TJP1: variants seen among roughly 807,000 people sequenced by gnomAD.
TJP1 encodes tight junction protein ZO-1.
In TJP1, 43 loss-of-function variants were observed where a neutral mutation model predicts 194.2. The ratio of observed to expected loss-of-function variants is 0.22; its 90% CI spans 0.17 to 0.29. The LOEUF is 0.29. Ranked by LOEUF, TJP1 falls within the 10% of genes least tolerant of loss-of-function variation. The pLI is 1.00. For synonymous variants in TJP1, 801 were observed against 779.0 expected (o/e 1.03, Z -0.47); for missense variants, 1,971 against 2,185.7 (o/e 0.90, Z 1.96).
At chr15:29,801,625 C>T (rs947879795) in intron 1 of TJP1, among the ~76,000 whole-genome samples, 3 of 151,316 alleles carry the variant, frequency 2.0e-5, no homozygotes, top group African/African-American at 7.3e-5. Context: ...CTACGCCCGG[C>T]TAATTTTTTG....
rs145373959 is a variant in TJP1 at position 29,858,545 on chromosome 15, T to C, written c.307-57843A>G. Among the ~76,000 whole-genome samples, 489 of 152,262 alleles carry C rather than the reference T, an allele frequency of 3.2e-3. 2 individuals carry two copies. Among genetic ancestry groups the C allele is most frequent in the African/African-American group, 0.011 (464 of 41,552 alleles). On this transcript the variant is annotated intron_variant, in intron 2 of 28. Transcript: ENST00000356107. ...AAGACAGATAGCCACTGAAGAATTA[T>C]TGCTTTCCTTTTTTTTGAGACAGGG...
intron 2 of TJP1, among the ~76,000 whole-genome samples, chr15:29,791,460 G>A (rs1262239577): frequency 2.0e-5 from 2 of 102,192 alleles, no homozygotes; most frequent in African/African-American, 7.8e-5. Flanking sequence ...TGGCACTGTT[G>A]CCCAGGTTGG....
chr15:29,966,520 A>G (rs2056338373), intron 1 of TJP1, among the ~76,000 whole-genome samples: 1 of 151,978 alleles, frequency 6.6e-6, no homozygotes, highest in African/African-American at 2.4e-5. Flanking sequence ...AAATAAATAA[A>G]TAAATAATAA....
At position 29,732,425 on chromosome 15, in the gene TJP1, CT is replaced by C. The variant is rs2043727014; in HGVS notation, c.2017+7del. 1 of 1,611,764 alleles carries C rather than the reference CT, an allele frequency of 6.2e-7. No individual in the cohort carries two copies. The highest frequency in any genetic ancestry group is 1.3e-5 in the African/African-American group (1 of 74,860). On this transcript the variant is annotated splice_region_variant and intron_variant, in intron 15 of 27. Coordinates refer to ENST00000614355, the MANE Select transcript of TJP1 (RefSeq NM_001330239.4). ...AACCTCATTTAAGTTAGCCTTGAGGCTACTTACTTGCAATTTGATAAATATC... is the reference window on the plus strand; with the variant it reads ...AACCTCATTTAAGTTAGCCTTGAGGCACTTACTTGCAATTTGATAAATATC...
upstream of TJP1, chr15:29,822,647 A>G (rs540656176): frequency 3.0e-5 from 7 of 233,504 alleles, no homozygotes; most frequent in Non-Finnish European, 4.9e-5. Context: ...AGTAACTTGG[A>G]AGACAGTTTC....
At chr15:29,707,249 G>C (rs536399589) in intron 25 of TJP1, among the ~76,000 whole-genome samples, 1 of 152,354 alleles carries the variant, frequency 6.6e-6, no homozygotes, top group African/African-American at 2.4e-5. Context: ...TGCTTCAAAA[G>C]TAGAGGCTAT....
At chr15:29,725,690 A>G (rs1013745906) in intron 18 of TJP1, among the ~76,000 whole-genome samples, 6 of 152,228 alleles carry the variant, frequency 3.9e-5, no homozygotes, top group Non-Finnish European at 7.3e-5. Context: ...GACTGACAAT[A>G]GAAAGTAGTT....
intron 2 of TJP1, among the ~76,000 whole-genome samples, chr15:29,792,721 C>T (rs1157552669): frequency 6.6e-6 from 1 of 152,080 alleles, no homozygotes; most frequent in Non-Finnish European, 1.5e-5. Flanking sequence ...ACACTGATTC[C>T]AACAATACTG....
intron 2 of TJP1, among the ~76,000 whole-genome samples, chr15:29,921,444 C>T (rs935902921): frequency 3.3e-5 from 5 of 152,190 alleles, no homozygotes; most frequent in Admixed American, 6.5e-5. Context: ...TGCAAACCTG[C>T]AGGGCCAGCC....
intron 18 of TJP1, among the ~76,000 whole-genome samples, chr15:29,723,718 GA>G (rs2043073884): frequency 6.6e-6 from 1 of 152,168 alleles, no homozygotes; most frequent in African/African-American, 2.4e-5. Context: ...TGGAGAGGAA[GA>G]AATACAGTAA....
chr15:29,956,488 G>T, intron 1 of TJP1: 1 of 866,028 alleles, frequency 1.2e-6, no homozygotes, highest in Non-Finnish European at 1.5e-6. Context: ...CAGCCAAAAA[G>T]CTAAGAACCA....
chr15:29,805,513 C>T (rs1457805221), intron 1 of TJP1, among the ~76,000 whole-genome samples: 1 of 152,182 alleles, frequency 6.6e-6, no homozygotes, highest in Non-Finnish European at 1.5e-5. Flanking sequence ...GCTGTAATTT[C>T]AAAACCAATC....
chr15:29,803,659 A>G (rs1389151994), intron 1 of TJP1, among the ~76,000 whole-genome samples: 1 of 152,158 alleles, frequency 6.6e-6, no homozygotes, highest in Non-Finnish European at 1.5e-5. Flanking sequence ...TGTTAATTAT[A>G]AAAAATGTTT....
chr15:29,896,387 G>A (rs2053477573), intron 2 of TJP1, among the ~76,000 whole-genome samples: 1 of 152,122 alleles, frequency 6.6e-6, no homozygotes, highest in Non-Finnish European at 1.5e-5. Context: ...TGATTGTGAG[G>A]CCTCCCCAGC....
intron 1 of TJP1, among the ~76,000 whole-genome samples, chr15:29,967,822 T>C (rs2056384079): frequency 6.6e-6 from 1 of 152,162 alleles, no homozygotes; most frequent in Non-Finnish European, 1.5e-5. Context: ...AATAAAACCT[T>C]TATGAACTAC....
chr15:29,867,862 C>G (rs1399542663), intron 2 of TJP1, among the ~76,000 whole-genome samples: 1 of 152,034 alleles, frequency 6.6e-6, no homozygotes, highest in Non-Finnish European at 1.5e-5. Flanking sequence ...TCCAGACCAG[C>G]CTGGACAACA....
intron 4 of TJP1, 38 bp from the exon 5 acceptor site, chr15:29,766,580 T>A: frequency 6.6e-7 from 1 of 1,517,484 alleles, no homozygotes; most frequent in African/African-American, 1.4e-5. Flanking sequence ...GTTGACTGAT[T>A]TTCATATATG....
At chr15:29,832,502 A>G (rs2050868134) in intron 2 of TJP1, among the ~76,000 whole-genome samples, 1 of 152,254 alleles carries the variant, frequency 6.6e-6, no homozygotes, top group Non-Finnish European at 1.5e-5. Context: ...TGACTGATAC[A>G]TAAGGATAAA....
At chr15:29,961,152 T>C (rs2056140944) in intron 1 of TJP1, among the ~76,000 whole-genome samples, 1 of 152,070 alleles carries the variant, frequency 6.6e-6, no homozygotes, top group Non-Finnish European at 1.5e-5. Flanking sequence ...TAAATTCTTT[T>C]AATCCCCTGG....
Sources: gnomAD v4.1 joint callset for allele counts (sites outside exome capture counted in the v4.1 genomes callset) on GRCh38, gnomAD v4.1.1 for gene constraint, MANE v1.5 for transcripts, NCBI Gene and HGNC (gene_info 2026-07-23, HGNC 2026-07-21) for gene names.